YPEL1: variants seen among roughly 807,000 people sequenced by gnomAD.
The protein encoded by YPEL1 is protein yippee-like 1.
In YPEL1, 7 loss-of-function variants were observed where a neutral mutation model predicts 17.3. The ratio of observed to expected loss-of-function variants is 0.40; its 90% confidence interval spans 0.23 to 0.76. The LOEUF (loss-of-function observed/expected upper bound fraction) is 0.76. Ranked by LOEUF, YPEL1 falls within the 30% of genes least tolerant of loss-of-function variation. The probability of loss-of-function intolerance (pLI) is 0.35; values close to 1 mark genes in which losing one functional copy is unlikely to be tolerated. For missense variants in YPEL1, 91 were observed against 155.5 expected (o/e 0.59, Z 2.21); for synonymous variants, 59 against 59.6 (o/e 0.99, Z 0.05).
intron 2 of YPEL1, among the ~76,000 whole-genome samples, chr22:21,707,698 T>C (rs1446857373): frequency 1.3e-5 from 2 of 152,220 alleles, no homozygotes; most frequent in African/African-American, 4.8e-5. Context: ...TCACCTACTC[T>C]GAAAGTCCTT....
In YPEL1 at chr22:21,703,631, C is replaced by T. The variant is rs563103524; in HGVS notation, c.162-153G>A. Among the ~76,000 whole-genome samples, 2 of 152,182 alleles carry T rather than the reference C, an allele frequency of 1.3e-5. No individual in the cohort carries two copies. The highest frequency in any genetic ancestry group is 1.9e-4 in the East Asian group (1 of 5,176). On this transcript the variant is annotated intron_variant, in intron 3 of 4. Coordinates refer to ENST00000339468, the MANE Select transcript of YPEL1 (RefSeq NM_013313.5). The surrounding 1 kb of genome is among the most constrained non-coding windows in gnomAD (Gnocchi z 6.1). ...GCCGTGCCTCTCCCCCAGCCCTGCC[C>T]GCCACCACCATCAATGGGAAAGATC...
At chr22:21,719,232 G>A (rs1012247351) in intron 1 of YPEL1, among the ~76,000 whole-genome samples, 4 of 152,166 alleles carry the variant, frequency 2.6e-5, no homozygotes, top group Admixed American at 1.3e-4. Flanking sequence ...CGGTGCACGA[G>A]GATGTCATGT....
intron 2 of YPEL1, among the ~76,000 whole-genome samples, chr22:21,706,139 T>A (rs996053372): frequency 1.4e-5 from 2 of 138,462 alleles, no homozygotes; most frequent in African/African-American, 5.5e-5. Context: ...TCAAAAAAAA[T>A]TTTAAGAAAG....
intron 2 of YPEL1, among the ~76,000 whole-genome samples, chr22:21,708,920 C>T (rs554532446): frequency 6.6e-6 from 1 of 152,000 alleles, no homozygotes; most frequent in South Asian, 2.1e-4. Flanking sequence ...GTGATCCGCC[C>T]ACCTCGGTCT....
At position 21,703,717 on chromosome 22, in the gene YPEL1, G is replaced by A; in HGVS notation, c.161+122C>T. On this transcript the variant is annotated intron_variant, in intron 3 of 4. Transcript: ENST00000339468. The surrounding 1 kb of genome is among the most constrained non-coding windows in gnomAD (Gnocchi z 6.1). Reference sequence around the variant, plus strand: ...GCGTTTCAGAAACTCCCGGCGGGGGGATGGTGGGTTCTTTCAGGACCCCTA... The same window carrying A: ...GCGTTTCAGAAACTCCCGGCGGGGGAATGGTGGGTTCTTTCAGGACCCCTA... The A allele has an allele frequency of 2.6e-6, 3 of 1,136,306 alleles. No individual in the cohort carries two copies. Among genetic ancestry groups the A allele is most frequent in the South Asian group, 3.0e-5 (2 of 66,660 alleles). 70.4% of individuals were successfully genotyped at this position (1,136,306 alleles called of 1,614,324 possible).
chr22:21,706,504 C>T (rs780629205), intron 2 of YPEL1, among the ~76,000 whole-genome samples: 20 of 151,692 alleles, frequency 1.3e-4, no homozygotes, highest in Non-Finnish European at 2.4e-4. Flanking sequence ...GAGTAAGCAA[C>T]TGCATCCGCA....
chr22:21,727,854 G>T (rs939278683), intron 1 of YPEL1, among the ~76,000 whole-genome samples: 3 of 152,270 alleles, frequency 2.0e-5, no homozygotes, highest in East Asian at 3.9e-4. Flanking sequence ...CCACCACCTG[G>T]CAGGTGAGTG....
In YPEL1 at chr22:21,699,637, G is replaced by C. The variant is rs983246751; in HGVS notation, c.*1492C>G. The C allele has an allele frequency of 6.5e-6, 1 of 152,750 alleles. No individual in the cohort carries two copies. The allele number at this position is 152,750 out of a possible 1,614,324, so 9.5% of individuals were successfully genotyped here. ...GTCTTCATGCACAAAGGCTAAACTT[G>C]TTGCTTTAACCTTTTCTGAACAAAT... On this transcript the variant is annotated 3_prime_UTR_variant, in exon 5 of 5. Transcript: ENST00000339468.
chr22:21,731,650 G>A (rs1410353605), intron 1 of YPEL1, among the ~76,000 whole-genome samples: 1 of 152,000 alleles, frequency 6.6e-6, no homozygotes, highest in Non-Finnish European at 1.5e-5. Context: ...GTGGCACCAC[G>A]AGGGAGGGAG....
intron 1 of YPEL1, among the ~76,000 whole-genome samples, chr22:21,727,243 G>GT (rs2068344291): frequency 6.6e-6 from 1 of 152,196 alleles, no homozygotes; most frequent in African/African-American, 2.4e-5. Flanking sequence ...GGCCAGGGCT[G>GT]TATTTGTGGT....
At chr22:21,702,312 T>C (rs1328769693) in intron 4 of YPEL1, among the ~76,000 whole-genome samples, 1 of 152,092 alleles carries the variant, frequency 6.6e-6, no homozygotes, top group African/African-American at 2.4e-5. Flanking sequence ...CAGATGGGTA[T>C]GGGGCTGACT....
At chr22:21,719,436 A>C (rs2068258683) in intron 1 of YPEL1, among the ~76,000 whole-genome samples, 1 of 152,226 alleles carries the variant, frequency 6.6e-6, no homozygotes, top group Non-Finnish European at 1.5e-5. Flanking sequence ...CCCTTTAACA[A>C]AGATACTAAG....
chr22:21,732,015 C>T (rs2068392189), intron 1 of YPEL1, among the ~76,000 whole-genome samples: 1 of 152,228 alleles, frequency 6.6e-6, no homozygotes, highest in Non-Finnish European at 1.5e-5. Flanking sequence ...CTGCAGGTGC[C>T]AGAGGGCCTA....
chr22:21,705,230 C>T (rs113663182), intron 2 of YPEL1, among the ~76,000 whole-genome samples: 1 of 152,314 alleles, frequency 6.6e-6, no homozygotes, highest in African/African-American at 2.4e-5. Context: ...CTGCCTGCTT[C>T]GGCCTCCCCA....
At chr22:21,726,986 C>T (rs975031373) in intron 1 of YPEL1, among the ~76,000 whole-genome samples, 3 of 152,220 alleles carry the variant, frequency 2.0e-5, no homozygotes, top group Non-Finnish European at 4.4e-5. Flanking sequence ...CCAACCAAAA[C>T]AGGCTTGCTG....
intron 4 of YPEL1, among the ~76,000 whole-genome samples, chr22:21,701,691 A>G (rs1214726355): frequency 6.6e-6 from 1 of 152,224 alleles, no homozygotes; most frequent in Non-Finnish European, 1.5e-5. Flanking sequence ...GAAGAGATGC[A>G]AAAGACTACA....
chr22:21,711,171 C>T (rs915193697), intron 1 of YPEL1, among the ~76,000 whole-genome samples: 9 of 151,926 alleles, frequency 5.9e-5, no homozygotes, highest in African/African-American at 2.2e-4. Context: ...TACAGGAACA[C>T]GCCACCAAGC....
chr22:21,712,760 C>T (rs1157570554), intron 1 of YPEL1, among the ~76,000 whole-genome samples: 1 of 150,180 alleles, frequency 6.7e-6, no homozygotes, highest in African/African-American at 2.4e-5. Flanking sequence ...GATAAAGGAC[C>T]TATGTATCTA....
At position 21,703,355 on chromosome 22, in the gene YPEL1, C is replaced by T. The variant is rs868034833; in HGVS notation, c.270+15G>A. On this transcript the variant is annotated intron_variant, in intron 4 of 4. Transcript: ENST00000339468. This position sits in a 1 kb window ranked among gnomAD's most constrained non-coding sequence, Gnocchi z 6.1. Reference sequence around the variant, plus strand: ...ACATCCCCTTGTGGCACGAGCATCCCCTTGTGGCACTCACGTATTTCCACC... The same window carrying T: ...ACATCCCCTTGTGGCACGAGCATCCTCTTGTGGCACTCACGTATTTCCACC... 3.1e-6 allele frequency: 5 copies of T among 1,611,482 alleles called. No individual in the cohort carries two copies. In the Middle Eastern group the frequency reaches 6.6e-4, roughly 213 times the overall value.
Sources: allele counts gnomAD v4.1 joint callset (sites outside exome capture counted in the v4.1 genomes callset), GRCh38; gene constraint gnomAD v4.1.1; non-coding constraint Gnocchi (gnomAD v3.1); transcripts MANE v1.5; gene names NCBI Gene and HGNC (gene_info 2026-07-23, HGNC 2026-07-21).